ASTN2: variants seen among roughly 807,000 people sequenced by gnomAD.
ASTN2 encodes the protein astrotactin-2.
A neutral mutation model predicts 139.8 loss-of-function variants in ASTN2; 54 were observed. The ratio of observed to expected loss-of-function variants is 0.39; its 90% CI spans 0.31 to 0.48. The LOEUF is 0.48. Ranked by LOEUF, ASTN2 falls within the 20% of genes least tolerant of loss-of-function variation. The pLI, the probability that ASTN2 is intolerant of heterozygous loss-of-function variation, is 0.95. For missense variants in ASTN2, 1,565 were observed against 1,725.1 expected, an observed-to-expected ratio of 0.91 and a Z score of 1.64; for synonymous variants, 756 against 719.5, an observed-to-expected ratio of 1.05 and a Z score of -0.81.
At chr9:117,147,468 C>CCCT (rs1486535894) in intron 3 of ASTN2, among the ~76,000 whole-genome samples, 1 of 151,464 alleles carries the variant, frequency 6.6e-6, no homozygotes, top group African/African-American at 2.4e-5. Context: ...CACACACCCC[C>CCCT]GTTATCCACC....
intron 3 of ASTN2, among the ~76,000 whole-genome samples, chr9:117,208,165 A>G (rs865924819): frequency 6.6e-6 from 1 of 152,214 alleles, no homozygotes; most frequent in African/African-American, 2.4e-5. Flanking sequence ...CCCTGATCAT[A>G]ATAAAATACA....
At chr9:116,897,360 T>A (rs1833902722) in intron 10 of ASTN2, among the ~76,000 whole-genome samples, 1 of 152,186 alleles carries the variant, frequency 6.6e-6, no homozygotes, top group Non-Finnish European at 1.5e-5. Context: ...CCAGACTGAG[T>A]GCCAGTAATT....
intron 14 of ASTN2, among the ~76,000 whole-genome samples, chr9:116,731,419 GT>G (rs2132124129): frequency 6.6e-6 from 1 of 151,818 alleles, no homozygotes; most frequent in African/African-American, 2.4e-5. Flanking sequence ...ATTGTGTTTT[GT>G]TTTGTTTTGT....
At chr9:117,279,023 G>A (rs907425354) in intron 2 of ASTN2, among the ~76,000 whole-genome samples, 1 of 152,206 alleles carries the variant, frequency 6.6e-6, no homozygotes, top group Non-Finnish European at 1.5e-5. Context: ...TATTAAAGGG[G>A]TTGAACTGGA....
intron 16 of ASTN2, among the ~76,000 whole-genome samples, chr9:116,694,459 C>T (rs1328885408): frequency 1.7e-4 from 15 of 88,044 alleles, no homozygotes; most frequent in Non-Finnish European, 2.4e-4. Context: ...TGTAATTTCT[C>T]TTTTTTTTTT....
chr9:117,053,906 G>T (rs2132672406), intron 5 of ASTN2, among the ~76,000 whole-genome samples: 1 of 151,858 alleles, frequency 6.6e-6, no homozygotes, highest in African/African-American at 2.4e-5. Context: ...TTTGCTTTCT[G>T]ATCTATTGCC....
chr9:117,225,535 GTA>G (rs58184768), intron 2 of ASTN2, among the ~76,000 whole-genome samples: 19,672 of 63,552 alleles, frequency 0.31, 3,948 homozygotes, highest in Non-Finnish European at 0.46. Context: ...CAAGCTGTAT[GTA>G]TATATATATA....
chr9:116,969,013 G>A (rs1181074517), intron 10 of ASTN2, among the ~76,000 whole-genome samples: 1 of 151,742 alleles, frequency 6.6e-6, no homozygotes, highest in Non-Finnish European at 1.5e-5. Context: ...ACATCTATTT[G>A]CTACCTGTCC....
chr9:116,626,542 T>G (rs1856471932), intron 17 of ASTN2, among the ~76,000 whole-genome samples: 1 of 152,084 alleles, frequency 6.6e-6, no homozygotes, highest in Admixed American at 6.6e-5. Context: ...AAGCCTAAAT[T>G]ACCTTGAAGC....
At chr9:116,823,251 G>A (rs10759864) in intron 11 of ASTN2, among the ~76,000 whole-genome samples, 120,798 of 152,174 alleles carry the variant, frequency 0.79, 48,149 homozygotes, top group East Asian at 0.91. Context: ...AGGAGGAAGC[G>A]GAGGAGAGGG....
At chr9:117,366,090 T>C (rs551482239) in intron 1 of ASTN2, among the ~76,000 whole-genome samples, 44 of 152,284 alleles carry the variant, frequency 2.9e-4, no homozygotes, top group African/African-American at 1.0e-3. Context: ...CTCACTCATC[T>C]TGCAAAACCT....
At chr9:116,652,437 A>G (rs1411318434) in intron 16 of ASTN2, among the ~76,000 whole-genome samples, 1 of 152,196 alleles carries the variant, frequency 6.6e-6, no homozygotes, top group Non-Finnish European at 1.5e-5. Context: ...GATATTTTTT[A>G]CCCAACCAAA....
At chr9:116,627,551 C>CT (rs1261041774) in intron 17 of ASTN2, among the ~76,000 whole-genome samples, 3 of 152,172 alleles carry the variant, frequency 2.0e-5, no homozygotes, top group African/African-American at 7.2e-5. Flanking sequence ...GTGGTAAGCA[C>CT]TTTAATATAC....
intron 1 of ASTN2, among the ~76,000 whole-genome samples, chr9:117,303,572 C>T (rs967422832): frequency 2.6e-5 from 4 of 152,204 alleles, no homozygotes; most frequent in African/African-American, 9.7e-5. Flanking sequence ...CTCTCCTGTG[C>T]CTTGTCTATC....
intron 13 of ASTN2, among the ~76,000 whole-genome samples, chr9:116,775,448 AGAGAG>A (rs1236701593): frequency 7.6e-6 from 1 of 131,940 alleles, no homozygotes; most frequent in Non-Finnish European, 1.6e-5. Context: ...GGAGAGGAGA[AGAGAG>A]GAGAGGAGAG....
At chr9:116,579,333 T>C (rs1277946247) in intron 19 of ASTN2, among the ~76,000 whole-genome samples, 1 of 152,186 alleles carries the variant, frequency 6.6e-6, no homozygotes, top group Non-Finnish European at 1.5e-5. Flanking sequence ...GTGTTTTCTG[T>C]TTCTGCTGCA....
chr9:117,139,652 G>A (rs1830028195), intron 4 of ASTN2, among the ~76,000 whole-genome samples: 1 of 152,206 alleles, frequency 6.6e-6, no homozygotes, highest in Non-Finnish European at 1.5e-5. Flanking sequence ...GTCAGGCACT[G>A]ATTTAGGCCA....
intron 3 of ASTN2, among the ~76,000 whole-genome samples, chr9:117,155,855 A>G (rs891266591): frequency 1.3e-5 from 2 of 152,068 alleles, no homozygotes; most frequent in Non-Finnish European, 2.9e-5. Context: ...TCTGGGCATC[A>G]GAGAGATCAA....
At chr9:117,191,893 C>T (rs763004244) in intron 3 of ASTN2, among the ~76,000 whole-genome samples, 3 of 152,002 alleles carry the variant, frequency 2.0e-5, no homozygotes, top group Admixed American at 6.6e-5. Context: ...AAAGAGAAAG[C>T]GGGGCTCTGA....
Sources: allele counts gnomAD v4.1 joint callset (sites outside exome capture counted in the v4.1 genomes callset), GRCh38; gene constraint gnomAD v4.1.1; transcripts MANE v1.5; gene names NCBI Gene and HGNC (gene_info 2026-07-23, HGNC 2026-07-21).